The following FSD2 variants were observed in gnomAD, a reference collection of about 807,000 sequenced individuals.
The protein encoded by FSD2 is fibronectin type III and SPRY domain-containing protein 2.
Under a neutral mutation model 80.4 loss-of-function variants are expected in FSD2, and 71 were observed. The ratio of observed to expected loss-of-function variants is 0.88; its 90% CI spans 0.73 to 1.08. FSD2 has a LOEUF of 1.08. Ranked by LOEUF, FSD2 falls within the 50% of genes least tolerant of loss-of-function variation. The pLI is 0.00. For synonymous variants in FSD2, 361 were observed against 329.5 expected, an observed-to-expected ratio of 1.10 and a Z score of -1.03; for missense variants, 923 against 913.8, an observed-to-expected ratio of 1.01 and a Z score of -0.13.
At chr15:82,788,337 A>G (rs2050057372) in intron 1 of FSD2, among the ~76,000 whole-genome samples, 1 of 106,800 alleles carries the variant, frequency 9.4e-6, no homozygotes, top group African/African-American at 3.2e-5. Flanking sequence ...CTCTACCAAA[A>G]ATACAAAAAA....
At chr15:82,800,724 C>G (rs1414412374) in intron 1 of FSD2, among the ~76,000 whole-genome samples, 1 of 123,540 alleles carries the variant, frequency 8.1e-6, no homozygotes, top group Non-Finnish European at 1.9e-5. Context: ...GCCCCTCAGT[C>G]AGGCTCTTGC....
At chr15:82,768,403 T>C (rs908053837) in intron 9 of FSD2, among the ~76,000 whole-genome samples, 1 of 152,222 alleles carries the variant, frequency 6.6e-6, no homozygotes, top group Non-Finnish European at 1.5e-5. Context: ...GATCCTCACC[T>C]CCACCACCAT....
chr15:82,778,842 T>A lies in FSD2; in HGVS notation c.1035A>T (p.Ala345=). The change falls in exon 6 of 13, where the codon GCA becomes GCT. Residue 345 remains alanine (A), a synonymous_variant. Coordinates refer to ENST00000334574, the MANE Select transcript of FSD2 (RefSeq NM_001007122.4). ...LKTKTDVEIS[A]QPEFEDQTLD... is the part of the protein sequence containing the mutation. ...AGGTCTGGTCTTCAAACTCAGGCTG[T>A]GCAGAGATTTCCACGTCTGTTTTTG... 1 of 1,613,990 alleles carries A rather than the reference T, an allele frequency of 6.2e-7. No homozygotes were observed. Among genetic ancestry groups the A allele is most frequent in the Non-Finnish European group, 8.5e-7 (1 of 1,179,880 alleles).
intron 1 of FSD2, among the ~76,000 whole-genome samples, chr15:82,790,176 AAAC>A (rs943250739): frequency 5.8e-5 from 7 of 119,880 alleles, no homozygotes; most frequent in Admixed American, 3.7e-4. Context: ...ACTCCGTCTC[AAAC>A]AACAACAACG....
At chr15:82,798,350 A>AGAAAGGAAGAAAGAAC (rs1408998859) in intron 1 of FSD2, among the ~76,000 whole-genome samples, 1 of 152,178 alleles carries the variant, frequency 6.6e-6, no homozygotes. Flanking sequence ...GTCAGAAGAT[A>AGAAAGGAAGAAAGAAC]GAAAGGAAGA....
In FSD2 at chr15:82,759,528, G is replaced by A. The variant is rs759772436; in HGVS notation, c.2070C>T (p.Gly690=). Residue 690 remains glycine, a synonymous_variant, in exon 13 of 13, where the codon GGC becomes GGT. Coordinates refer to ENST00000334574, the MANE Select transcript of FSD2 (RefSeq NM_001007122.4). ...IRITVPPKKI[G]ILLDYEHSKL... is the part of the protein sequence containing the mutation. Reference sequence around the variant, plus strand: ...TTGAATGTTCATAGTCTAATAGAATGCCAATCTTCTTTGGTGGAACTGTTA... The same window carrying A: ...TTGAATGTTCATAGTCTAATAGAATACCAATCTTCTTTGGTGGAACTGTTA... 10 of 1,609,530 alleles carry A rather than the reference G, an allele frequency of 6.2e-6. No individual in the cohort carries two copies. The African/African-American group carries it at 8.0e-5, about 13-fold the overall frequency.
chr15:82,781,162 C>G (rs936978005), intron 4 of FSD2, among the ~76,000 whole-genome samples: 2 of 152,230 alleles, frequency 1.3e-5, no homozygotes, highest in African/African-American at 4.8e-5. Flanking sequence ...AATGGAAACG[C>G]CATCATTTAC....
intron 8 of FSD2, 56 bp downstream of exon 8, chr15:82,769,694 G>GA: frequency 1.3e-6 from 2 of 1,551,614 alleles, no homozygotes; most frequent in Non-Finnish European, 1.8e-6. Context: ...AGAAACCCAT[G>GA]ACTCCTGTGT....
At chr15:82,794,535 C>T (rs527765999) in intron 1 of FSD2, among the ~76,000 whole-genome samples, 1 of 152,146 alleles carries the variant, frequency 6.6e-6, no homozygotes, top group South Asian at 2.1e-4. Context: ...TCTTCTATTT[C>T]CTTGTTGATC....
At chr15:82,768,520 A>C (rs2049477216) in intron 9 of FSD2, among the ~76,000 whole-genome samples, 1 of 152,202 alleles carries the variant, frequency 6.6e-6, no homozygotes, top group Admixed American at 6.5e-5. Flanking sequence ...CAGCCCCATT[A>C]GGGCAGGAAA....
rs753556358 is a variant in FSD2 at position 82,769,744 on chromosome 15, C to T, written c.1402+6G>A. The T allele has an allele frequency of 6.2e-7, 1 of 1,607,136 alleles. No homozygotes were observed. Among genetic ancestry groups the T allele is most frequent in the Non-Finnish European group, 8.5e-7 (1 of 1,174,460 alleles). ...GCCCTGCTATAGGAAATGAGTAGCC[C>T]ATTACCTGTCATGTACACTGCACGC... is the stretch of plus-strand genomic sequence containing the variant. On this transcript the variant is annotated splice_donor_region_variant and intron_variant, in intron 8 of 12. Coordinates refer to ENST00000334574, the MANE Select transcript of FSD2 (RefSeq NM_001007122.4).
At chr15:82,770,022 A>G (rs769637662) in intron 7 of FSD2, 138 bp from the exon 8 acceptor site, 171 of 913,040 alleles carry the variant, frequency 1.9e-4, no homozygotes, top group Non-Finnish European at 2.7e-4. Context: ...CCTCTGCAGC[A>G]TGACTTTGCT....
chr15:82,773,514 A>G (rs376282714), intron 6 of FSD2, among the ~76,000 whole-genome samples: 2 of 152,208 alleles, frequency 1.3e-5, no homozygotes, highest in African/African-American at 4.8e-5. Context: ...TTTATGTGAG[A>G]TCTGGACACA....
intron 1 of FSD2, among the ~76,000 whole-genome samples, chr15:82,791,378 A>T (rs190073146): frequency 0.011 from 1,603 of 147,684 alleles, 7 homozygotes; most frequent in Non-Finnish European, 0.016. Flanking sequence ...TTAAATTTTT[A>T]AAATTTTTTT....
chr15:82,787,543 A>G (rs1442351287), intron 1 of FSD2, 75 bp from the exon 2 acceptor site: 1 of 654,580 alleles, frequency 1.5e-6, no homozygotes, highest in African/African-American at 1.8e-5. Flanking sequence ...ATTGGGCTCT[A>G]CTCATATAAA....
chr15:82,772,300 G>A (rs2049601546), intron 6 of FSD2, 72 bp from the exon 7 acceptor site: 2 of 1,446,244 alleles, frequency 1.4e-6, no homozygotes, highest in Admixed American at 2.0e-5. Flanking sequence ...CCTTTCCCAT[G>A]ACCATTGATC....
chr15:82,765,776 G>T lies in FSD2; in HGVS notation c.1687+122C>A, dbSNP rs559316947. ...GACACCCCTGAACTCCTTCTGGCCT[G>T]ACTTGCCACGTGTCCACATCTGTGC... On this transcript the variant is annotated intron_variant, in intron 10 of 12. Transcript: ENST00000334574. The T allele has an allele frequency of 2.0e-4, 258 of 1,285,284 alleles. 2 individuals carry two copies. The Middle Eastern group carries it at 2.2e-3, about 11-fold the overall frequency. The allele number at this position is 1,285,284 out of a possible 1,614,324, so 79.6% of individuals were successfully genotyped here. A position where few individuals can be genotyped will look rare whatever the true frequency, so the allele number is the denominator to read the frequency against.
intron 4 of FSD2, among the ~76,000 whole-genome samples, chr15:82,782,065 A>AAATAATAATAATAAT (rs71455428): frequency 0.012 from 1,301 of 106,998 alleles, 17 homozygotes; most frequent in South Asian, 0.016. Context: ...CTCCATCTCA[A>AAATAATAATAATAAT]AATAATAATA....
intron 3 of FSD2, among the ~76,000 whole-genome samples, chr15:82,783,710 A>G (rs1278080197): frequency 6.6e-6 from 1 of 152,204 alleles, no homozygotes; most frequent in Non-Finnish European, 1.5e-5. Flanking sequence ...ATTCCCATCT[A>G]TCATTCTCTC....
Sources: gnomAD v4.1 joint callset for allele counts (sites outside exome capture counted in the v4.1 genomes callset) on GRCh38, gnomAD v4.1.1 for gene constraint, MANE v1.5 for transcripts, NCBI Gene and HGNC (gene_info 2026-07-23, HGNC 2026-07-21) for gene names.